Variants in DGKB observed in about 807,000 individuals in gnomAD.
DGKB encodes the protein 90 kDa diacylglycerol kinase.
In DGKB, 67 loss-of-function variants were observed where a neutral mutation model predicts 114.3. That is an observed-to-expected ratio of 0.59 (90% CI 0.48 to 0.72). DGKB has a LOEUF of 0.72. DGKB is among the 30% of genes least tolerant of loss of function. The probability of loss-of-function intolerance (pLI) is 0.00; values close to 1 mark genes in which losing one functional copy is unlikely to be tolerated. For missense variants in DGKB, 907 were observed against 975.2 expected (o/e 0.93, Z 0.93); for synonymous variants, 398 against 323.1 (o/e 1.23, Z -2.49).
At chr7:14,308,958 G>A (rs903657920) in intron 23 of DGKB, among the ~76,000 whole-genome samples, 3 of 152,164 alleles carry the variant, frequency 2.0e-5, no homozygotes, top group African/African-American at 7.2e-5. Context: ...GCTCACGCCT[G>A]TAATCCCAGC....
chr7:14,845,652 T>A (rs1268500210), intron 1 of DGKB, among the ~76,000 whole-genome samples: 2 of 56,026 alleles, frequency 3.6e-5, no homozygotes, highest in African/African-American at 1.5e-4. Context: ...ATTTCTTGAA[T>A]GAATTCACTT....
intron 1 of DGKB, among the ~76,000 whole-genome samples, chr7:14,880,742 G>T (rs563904686): frequency 1.3e-5 from 2 of 152,110 alleles, no homozygotes; most frequent in Non-Finnish European, 2.9e-5. Flanking sequence ...AACTAACGAC[G>T]TCTCTAGGAG....
intron 20 of DGKB, among the ~76,000 whole-genome samples, chr7:14,484,284 T>G (rs1783434337): frequency 6.6e-6 from 1 of 152,190 alleles, no homozygotes; most frequent in Non-Finnish European, 1.5e-5. Flanking sequence ...ATTGTTGTTT[T>G]GAAAAGAAGG....
At chr7:14,793,703 A>G (rs1267330190) in intron 2 of DGKB, among the ~76,000 whole-genome samples, 1 of 152,130 alleles carries the variant, frequency 6.6e-6, no homozygotes, top group African/African-American at 2.4e-5. Context: ...AACTATCTCT[A>G]TGAGAAATTA....
At chr7:14,532,149 G>C (rs568016351) in intron 20 of DGKB, among the ~76,000 whole-genome samples, 1 of 151,068 alleles carries the variant, frequency 6.6e-6, no homozygotes, top group African/African-American at 2.4e-5. Context: ...CTTTGGGTTA[G>C]GGAAAATGTT....
intron 13 of DGKB, among the ~76,000 whole-genome samples, chr7:14,648,681 T>A (rs996993502): frequency 1.8e-3 from 272 of 151,690 alleles, no homozygotes; most frequent in African/African-American, 5.3e-3. Context: ...AAGGCTTCAG[T>A]CGATCAAATT....
chr7:14,918,257 G>A (rs1367397379), intron 1 of DGKB, among the ~76,000 whole-genome samples: 2 of 151,924 alleles, frequency 1.3e-5, no homozygotes, highest in Non-Finnish European at 2.9e-5. Context: ...TAACTTCGTA[G>A]ATAAGAAAAG....
intron 23 of DGKB, among the ~76,000 whole-genome samples, chr7:14,188,077 C>G (rs962964221): frequency 1.3e-5 from 2 of 151,922 alleles, no homozygotes; most frequent in East Asian, 1.9e-4. Flanking sequence ...TAACTGACAG[C>G]TTCAACAACA....
intron 21 of DGKB, among the ~76,000 whole-genome samples, chr7:14,400,110 C>A (rs1822864764): frequency 6.6e-6 from 1 of 151,800 alleles, no homozygotes; most frequent in Non-Finnish European, 1.5e-5. Flanking sequence ...TCATATAAAT[C>A]TCTTCAATTA....
At chr7:14,621,604 C>T (rs1238781158) in intron 14 of DGKB, 110 bp from the exon 15 acceptor site, 22 of 652,940 alleles carry the variant, frequency 3.4e-5, no homozygotes, top group Non-Finnish European at 5.4e-5. Flanking sequence ...ACAGGCTCAA[C>T]TTTCTAATTT....
chr7:14,922,875 T>C (rs1784576838), intron 1 of DGKB, among the ~76,000 whole-genome samples: 2 of 152,206 alleles, frequency 1.3e-5, no homozygotes, highest in Admixed American at 1.3e-4. Flanking sequence ...CATTGAAACA[T>C]CTATTCTTTC....
intron 20 of DGKB, among the ~76,000 whole-genome samples, chr7:14,492,474 CT>C (rs1784729212): frequency 6.6e-6 from 1 of 151,966 alleles, no homozygotes; most frequent in Admixed American, 6.6e-5. Flanking sequence ...AAGGTCTAGT[CT>C]TCATGCAAGG....
intron 13 of DGKB, among the ~76,000 whole-genome samples, chr7:14,655,648 T>C (rs1563811266): frequency 6.6e-6 from 1 of 151,676 alleles, no homozygotes; most frequent in Non-Finnish European, 1.5e-5. Context: ...TGTCCATCAA[T>C]AGATGAGTAG....
At chr7:14,948,923 T>C (rs991715400) in intron 1 of DGKB, among the ~76,000 whole-genome samples, 1 of 151,638 alleles carries the variant, frequency 6.6e-6, no homozygotes, top group African/African-American at 2.4e-5. Context: ...GATTTGCATT[T>C]AAAAAATCAG....
At chr7:14,357,501 A>T (rs1303137730) in intron 21 of DGKB, among the ~76,000 whole-genome samples, 1 of 152,048 alleles carries the variant, frequency 6.6e-6, no homozygotes, top group East Asian at 1.9e-4. Flanking sequence ...TTTGCACGTG[A>T]GATGGGTCTC....
chr7:14,556,136 C>T (rs1375190890), intron 20 of DGKB, among the ~76,000 whole-genome samples: 1 of 152,118 alleles, frequency 6.6e-6, no homozygotes, highest in African/African-American at 2.4e-5. Flanking sequence ...AAGACAAATT[C>T]TTAATATTCA....
intron 21 of DGKB, among the ~76,000 whole-genome samples, chr7:14,401,775 T>C (rs1823139004): frequency 6.6e-6 from 1 of 151,680 alleles, no homozygotes; most frequent in African/African-American, 2.4e-5. Context: ...GAGACATCCC[T>C]CAATCTCTCT....
At chr7:14,214,219 A>C (rs1788593771) in intron 23 of DGKB, among the ~76,000 whole-genome samples, 1 of 152,132 alleles carries the variant, frequency 6.6e-6, no homozygotes, top group African/African-American at 2.4e-5. Flanking sequence ...AACCCTTGAC[A>C]GGGCCTACAT....
intron 23 of DGKB, among the ~76,000 whole-genome samples, chr7:14,304,444 G>T (rs569472892): frequency 6.6e-6 from 1 of 150,930 alleles, no homozygotes; most frequent in Non-Finnish European, 1.5e-5. Context: ...GTCCCACTTT[G>T]TGCCAAATCT....
Sources: allele counts gnomAD v4.1 joint callset (sites outside exome capture counted in the v4.1 genomes callset), GRCh38; gene constraint gnomAD v4.1.1; transcripts MANE v1.5; gene names NCBI Gene and HGNC (gene_info 2026-07-23, HGNC 2026-07-21).